Variants in TTN observed in about 807,000 individuals in gnomAD.
The protein encoded by TTN is connectin.
TTN carries 1,525 observed loss-of-function variants against 3,223.0 expected under a neutral mutation model. The ratio of observed to expected loss-of-function variants is 0.47; its 90% confidence interval spans 0.45 to 0.49. TTN has a LOEUF of 0.49. Among genes scored for constraint, TTN ranks in the 20% least tolerant of loss-of-function variants. TTN has a pLI of 0.00. For synonymous variants in TTN, 14,094 were observed against 15,161.0 expected (o/e 0.93, Z 5.17); for missense variants, 40,786 against 43,424.0 (o/e 0.94, Z 5.40).
intron 127 of TTN, among the ~76,000 whole-genome samples, chr2:178,686,508 C>T (rs2070970351): frequency 6.6e-6 from 1 of 152,066 alleles, no homozygotes; most frequent in African/African-American, 2.4e-5. Flanking sequence ...ACCTCGAACT[C>T]CTGGGTTCAA....
Position 178,599,592 on chromosome 2 carries a change from A to C in TTN, c.56309T>G (p.Leu18770Arg), listed in dbSNP as rs1470434078. The C allele has an allele frequency of 3.1e-6, 5 of 1,597,934 alleles. No individual in the cohort carries two copies. Among genetic ancestry groups the C allele is most frequent in the Non-Finnish European group, 4.3e-6 (5 of 1,171,078 alleles). ...TCTCATCTCCTTTGATGCTGTTCCC[A>C]GATTATTTACAGCTGTGATGGTATA... ...GLYTITAVNN[L>R]GTASKEMRLN... The change falls in exon 289 of 363, where the codon CTG becomes CGG. Residue 18770 changes from leucine (L) to arginine (R), a missense_variant. Physicochemically the swap from Leu to Arg is moderately radical, Grantham distance 102. Transcript: ENST00000589042.
At chr2:178,730,421 T>A in intron 61 of TTN, 50 bp from the exon 62 acceptor site, 1 of 1,552,662 alleles carries the variant, frequency 6.4e-7, no homozygotes, top group Non-Finnish European at 8.7e-7. Context: ...TTTTATTTTA[T>A]AACTTAGCAA....
At position 178,582,501 on chromosome 2, in the gene TTN, G is replaced by A. The variant is rs762194924; in HGVS notation, c.65955C>T (p.Gly21985=). ...LSWEPPLEDG[G]SEITNYIVDK... is the part of the protein sequence containing the mutation. ...CAACAATATAGTTGGTGATTTCTGA[G>A]CCTCCATCTTCAAGAGGCGGTTCCC... The change falls in exon 314 of 363, where the codon GGC becomes GGT. Residue 21985 remains glycine, a synonymous_variant. Transcript: ENST00000589042. 1 of 1,612,922 alleles carries A rather than the reference G, an allele frequency of 6.2e-7. No individual in the cohort carries two copies. Among genetic ancestry groups the A allele is most frequent in the Non-Finnish European group, 8.5e-7 (1 of 1,179,294 alleles).
intron 361 of TTN, 58 bp from the exon 362 acceptor site, chr2:178,527,806 T>C: frequency 6.8e-7 from 1 of 1,466,770 alleles, no homozygotes; most frequent in Non-Finnish European, 9.1e-7. Context: ...ATTGATGACA[T>C]ATGACGCTGA....
chr2:178,607,304 A>T lies in TTN; in HGVS notation c.53298T>A (p.Gly17766=). ...AARVEVFDVP[G]PVLDLKPVVT... Reference sequence around the variant, plus strand: ...CAACAGGTTTTAAGTCAAGAACTGGACCAGGGACATCTGAAAACAAAACAA... The same window carrying T: ...CAACAGGTTTTAAGTCAAGAACTGGTCCAGGGACATCTGAAAACAAAACAA... The change falls in exon 278 of 363, where the codon GGT becomes GGA. Residue 17766 remains glycine, a synonymous_variant. Coordinates refer to ENST00000589042, the MANE Select transcript of TTN (RefSeq NM_001267550.2). 1 of 1,612,556 alleles carries T rather than the reference A, an allele frequency of 6.2e-7. No individual in the cohort carries two copies. Among genetic ancestry groups the T allele is most frequent in the Non-Finnish European group, 8.5e-7 (1 of 1,179,250 alleles).
Position 178,612,589 on chromosome 2 carries a change from G to A in TTN, c.49949-13C>T. On this transcript the variant is annotated splice_polypyrimidine_tract_variant and intron_variant, in intron 265 of 362. Coordinates refer to ENST00000589042, the MANE Select transcript of TTN (RefSeq NM_001267550.2). ...GGTGATGGAGGATCTGAAAAAGAAG[G>A]AAGGAAAACAAATTCATTTTTTTTT... 6.3e-7 allele frequency: 1 copy of A among 1,586,508 alleles called. No individual in the cohort carries two copies. Among genetic ancestry groups the A allele is most frequent in the Non-Finnish European group, 8.5e-7 (1 of 1,173,926 alleles).
In TTN at chr2:178,546,237, G is replaced by A. The variant is rs373509153; in HGVS notation, c.95094C>T (p.Ala31698=). 52 of 1,611,680 alleles carry A rather than the reference G, an allele frequency of 3.2e-5. No individual in the cohort carries two copies. In the African/African-American group the frequency reaches 6.3e-4, roughly 19 times the overall value. ...LTVKNASGTK[A]VSVMVKVLDS... ...CAAGCACTTTGACCATGACAGACAC[G>A]GCCTTGGTCCCGCTGGCATTTTTCA... Residue 31698 remains alanine, a synonymous_variant, in exon 342 of 363, where the codon GCC becomes GCT. Transcript: ENST00000589042.
chr2:178,726,470 T>C (rs1313232806), intron 69 of TTN: 1 of 154,710 alleles, frequency 6.5e-6, no homozygotes, highest in Non-Finnish European at 1.4e-5. Context: ...ATCTAAGTCT[T>C]CCATTTCAGC....
intron 153 of TTN, 34 bp from the exon 154 acceptor site, chr2:178,672,515 C>CGA: frequency 3.1e-6 from 5 of 1,601,686 alleles, no homozygotes; most frequent in Non-Finnish European, 4.3e-6. Flanking sequence ...TTAGGACTGT[C>CGA]GAGAGCAAGC....
chr2:178,602,346 G>A lies in TTN; in HGVS notation c.55056C>T (p.Val18352=). The A allele has an allele frequency of 6.2e-7, 1 of 1,612,868 alleles. No individual in the cohort carries two copies. Among genetic ancestry groups the A allele is most frequent in the Non-Finnish European group, 8.5e-7 (1 of 1,179,304 alleles). ...LRKYRFRVKA[V]NEAGESEPSD... The stretch of plus-strand genomic sequence containing the variant: ...TTGGTTCAGATTCACCAGCTTCATT[G>A]ACAGCTTTCACTCTGAATCTGTACT... Residue 18352 remains valine (V), a synonymous_variant, in exon 283 of 363, where the codon GTC becomes GTT. Transcript: ENST00000589042.
rs1295780825 is a variant in TTN at position 178,599,831 on chromosome 2, T to C, written c.56070A>G (p.Leu18690=). The C allele has an allele frequency of 1.9e-6, 3 of 1,592,228 alleles. No individual in the cohort carries two copies. The highest frequency in any genetic ancestry group is 4.5e-5 in the East Asian group (2 of 44,298). ...KDQTCPPSID[L]KEFMEVEEGT... ...CTTCTTCAACCTCCATGAATTCTTT[T>C]AGATCAATTGATGGTGGGCCTAGAT... Residue 18690 remains leucine, a synonymous_variant, in exon 289 of 363, where the codon CTA becomes CTG. Transcript: ENST00000589042.
rs754873655 is a variant in TTN at position 178,764,773 on chromosome 2, C to T, written c.9742G>A (p.Val3248Ile). The T allele has an allele frequency of 1.2e-6, 2 of 1,613,726 alleles. No individual in the cohort carries two copies. The highest frequency in any genetic ancestry group is 2.2e-5 in the South Asian group (2 of 91,062). The change falls in exon 42 of 363, where the codon GTC (valine) becomes ATC (isoleucine). Residue 3248 changes from valine to isoleucine, a missense_variant. Physicochemically the swap from Val to Ile is conservative, Grantham distance 29. Coordinates refer to ENST00000589042, the MANE Select transcript of TTN (RefSeq NM_001267550.2). ...PPQVLQELQP[V>I]TVQSGKPARF... The stretch of plus-strand genomic sequence containing the variant: ...GCAGGCTTGCCAGACTGCACAGTGA[C>T]AGGCTGGAGCTCCTGCAGAACTTGG...
In TTN at chr2:178,738,083, T is replaced by C. The variant is rs1320533240; in HGVS notation, c.14370A>G (p.Thr4790=). ...TCTGTGCCAATGTATGGCATTTACC[T>C]GTCACAGTTAGTGTGGCTGTACAGC... ...SVSCTATLTV[T]EAYPPTFLSR... Residue 4790 remains threonine, a splice_region_variant and synonymous_variant, in exon 49 of 363, where the codon ACA becomes ACG. Transcript: ENST00000589042. The C allele has an allele frequency of 6.2e-7, 1 of 1,611,304 alleles. No individual in the cohort carries two copies. The highest frequency in any genetic ancestry group is 8.5e-7 in the Non-Finnish European group (1 of 1,177,754).
intron 137 of TTN, 25 bp downstream of exon 137, chr2:178,681,351 T>C (rs748406484): frequency 6.3e-7 from 1 of 1,593,952 alleles, no homozygotes. Context: ...AAGTTGTTTT[T>C]GGTGATTATT....
In TTN at chr2:178,710,897, G is replaced by A. The variant is rs886044076; in HGVS notation, c.28200C>T (p.Asp9400=). 1.9e-6 allele frequency: 3 copies of A among 1,613,360 alleles called. No individual in the cohort carries two copies. The highest frequency in any genetic ancestry group is 2.5e-6 in the Non-Finnish European group (3 of 1,179,348). The change falls in exon 98 of 363, where the codon GAC becomes GAT. Residue 9400 remains aspartate, a synonymous_variant. Transcript: ENST00000589042. ...CAGCATCCACAGGGGCAAGACGGATGTCAAAGAAGGGTGGGTTCTTCCCCT... is the reference window on the plus strand; with the variant it reads ...CAGCATCCACAGGGGCAAGACGGATATCAAAGAAGGGTGGGTTCTTCCCCT... The part of the protein sequence containing the change: ...LTEGKNPPFF[D]IRLAPVDAVV...
At position 178,734,589 on chromosome 2, in the gene TTN, T is replaced by C. The variant is rs1327420984; in HGVS notation, c.15235A>G (p.Lys5079Glu). 1 of 1,571,856 alleles carries C rather than the reference T, an allele frequency of 6.4e-7. No individual in the cohort carries two copies. The highest frequency in any genetic ancestry group is 8.6e-7 in the Non-Finnish European group (1 of 1,159,466). ...IVIKEPPSFI[K>E]TLEPADIVRG... Reference sequence around the variant, plus strand: ...ACTATGTCTGCAGGCTCAAGAGTTTTGATGAAAGAAGGAGGTTCTACAAAA... The same window carrying C: ...ACTATGTCTGCAGGCTCAAGAGTTTCGATGAAAGAAGGAGGTTCTACAAAA... The change falls in exon 52 of 363, where the codon AAA becomes GAA. Residue 5079 changes from lysine (K) to glutamate (E), a missense_variant. Transcript: ENST00000589042.
Position 178,723,905 on chromosome 2 carries a change from A to C in TTN, c.21354T>G (p.Ala7118=), listed in dbSNP as rs754163259. The C allele has an allele frequency of 1.2e-6, 2 of 1,613,402 alleles. No homozygotes were observed. The highest frequency in any genetic ancestry group is 1.7e-6 in the Non-Finnish European group (2 of 1,179,466). ...SSDMGNYTCV[A]ANVAGSDECR... is the part of the protein sequence containing the mutation. ...ATTCATCAGACCCAGCGACATTAGC[A>C]GCCACGCATGTGTAATTGCCCATAT... Residue 7118 remains alanine, a synonymous_variant, in exon 73 of 363, where the codon GCT becomes GCG. Coordinates refer to ENST00000589042, the MANE Select transcript of TTN (RefSeq NM_001267550.2).
intron 169 of TTN, 35 bp downstream of exon 169, chr2:178,663,980 T>G (rs1463703594): frequency 1.2e-6 from 2 of 1,611,772 alleles, no homozygotes; most frequent in African/African-American, 1.3e-5. Flanking sequence ...GCAGAAGAAT[T>G]AGGTCTTCTG....
chr2:178,731,760 G>T lies in TTN; in HGVS notation c.17115C>A (p.Gly5705=). Residue 5705 remains glycine (G), a synonymous_variant, in exon 58 of 363, where the codon GGC becomes GGA. Coordinates refer to ENST00000589042, the MANE Select transcript of TTN (RefSeq NM_001267550.2). ...CATTGGTCACCCGACACTGGTATTC[G>T]CCAGCATCTGCAGCTACAAACTTGA... is the stretch of plus-strand genomic sequence containing the variant. The part of the protein sequence containing the change: ...QILKFVAADA[G]EYQCRVTNEV... 1 of 1,613,678 alleles carries T rather than the reference G, an allele frequency of 6.2e-7. No homozygotes were observed. Among genetic ancestry groups the T allele is most frequent in the Non-Finnish European group, 8.5e-7 (1 of 1,179,726 alleles).
Sources: gnomAD v4.1 joint callset for allele counts (sites outside exome capture counted in the v4.1 genomes callset) on GRCh38, gnomAD v4.1.1 for gene constraint, MANE v1.5 for transcripts, NCBI Gene and HGNC (gene_info 2026-07-23, HGNC 2026-07-21) for gene names.